The following RAD51B variants were observed in gnomAD, a reference collection of about 807,000 sequenced individuals.
RAD51B encodes the protein DNA repair protein RAD51 homolog 2.
A neutral mutation model predicts 42.2 loss-of-function variants in RAD51B; 38 were observed. That is an observed-to-expected ratio of 0.90 (90% CI 0.70 to 1.18). RAD51B has a LOEUF of 1.18. RAD51B is among the 50% of genes most tolerant of loss of function. RAD51B has a pLI of 0.00. For missense variants in RAD51B, 373 were observed against 400.7 expected, an observed-to-expected ratio of 0.93 and a Z score of 0.59; for synonymous variants, 154 against 145.2, an observed-to-expected ratio of 1.06 and a Z score of -0.43.
At chr14:67,893,505 CACACAAAAAA>C (rs1222574716) in intron 7 of RAD51B, among the ~76,000 whole-genome samples, 2 of 100,196 alleles carry the variant, frequency 2.0e-5, no homozygotes, top group Admixed American at 2.1e-4. Flanking sequence ...CACACACACA[CACACAAAAAA>C]AAACAATTAG....
chr14:68,639,470 T>TC (rs1374105576), intron 10 of RAD51B, among the ~76,000 whole-genome samples: 1 of 152,128 alleles, frequency 6.6e-6, no homozygotes, highest in African/African-American at 2.4e-5. Flanking sequence ...TGATGGGTAG[T>TC]CCCTGGTGGG....
chr14:68,031,119 A>G (rs2076034071), intron 7 of RAD51B, among the ~76,000 whole-genome samples: 1 of 152,216 alleles, frequency 6.6e-6, no homozygotes, highest in South Asian at 2.1e-4. Flanking sequence ...TTTACAAAAG[A>G]AAGAGGTTTA....
intron 8 of RAD51B, among the ~76,000 whole-genome samples, chr14:68,386,943 C>G (rs1280828922): frequency 6.6e-6 from 1 of 152,306 alleles, no homozygotes; most frequent in Non-Finnish European, 1.5e-5. Flanking sequence ...TTGATATCAC[C>G]TCTCCTTTGT....
chr14:67,848,479 A>C (rs1040726400), intron 4 of RAD51B, among the ~76,000 whole-genome samples: 1 of 152,092 alleles, frequency 6.6e-6, no homozygotes, highest in Non-Finnish European at 1.5e-5. Context: ...GTGGGATTAC[A>C]TGTGAGATGG....
At chr14:67,853,037 G>T (rs1272609527) in intron 4 of RAD51B, among the ~76,000 whole-genome samples, 1 of 152,176 alleles carries the variant, frequency 6.6e-6, no homozygotes, top group African/African-American at 2.4e-5. Context: ...AGGAAGAAAA[G>T]CTTAAAACCC....
intron 10 of RAD51B, among the ~76,000 whole-genome samples, chr14:68,581,114 A>G (rs1890190372): frequency 6.6e-6 from 1 of 152,144 alleles, no homozygotes; most frequent in African/African-American, 2.4e-5. Context: ...TTTATTAAGT[A>G]ATCTGCCTTT....
At position 68,168,290 on chromosome 14, in the gene RAD51B, A is replaced by G. The variant is rs189648839; in HGVS notation, c.757-123594A>G. Among the ~76,000 whole-genome samples the G allele has an allele frequency of 2.4e-3, 369 of 152,286 alleles. No homozygotes were observed. The Middle Eastern group carries it at 0.037, about 15-fold the overall frequency. The stretch of plus-strand genomic sequence containing the variant: ...GCAAAACTTTTGTACACTGCCTAGC[A>G]TGGTGCTCAGTTCTGCAAACGTCTT... On this transcript the variant is annotated intron_variant, in intron 7 of 10. Transcript: ENST00000471583.
At chr14:68,343,640 C>T (rs750854114) in intron 8 of RAD51B, among the ~76,000 whole-genome samples, 6 of 152,208 alleles carry the variant, frequency 3.9e-5, no homozygotes, top group African/African-American at 7.2e-5. Flanking sequence ...GAAAGATTAG[C>T]GTGACTAAAA....
At chr14:68,567,917 A>C (rs1168401281) in intron 10 of RAD51B, among the ~76,000 whole-genome samples, 1 of 152,238 alleles carries the variant, frequency 6.6e-6, no homozygotes, top group African/African-American at 2.4e-5. Flanking sequence ...TGCAGGGCTG[A>C]CATATTGCAT....
chr14:68,478,325 G>T (rs1188314174), downstream of RAD51B, among the ~76,000 whole-genome samples: 1 of 152,184 alleles, frequency 6.6e-6, no homozygotes, highest in Non-Finnish European at 1.5e-5. Context: ...CTATTGTAGT[G>T]TAAATTCAAG....
chr14:68,034,845 T>C (rs1026496069), intron 7 of RAD51B, among the ~76,000 whole-genome samples: 2 of 152,144 alleles, frequency 1.3e-5, no homozygotes, highest in African/African-American at 4.8e-5. Flanking sequence ...TCTCAATTTC[T>C]GGAGGGCTTA....
At chr14:68,498,928 A>G (rs1382314362) in intron 10 of RAD51B, among the ~76,000 whole-genome samples, 1 of 152,186 alleles carries the variant, frequency 6.6e-6, no homozygotes, top group Non-Finnish European at 1.5e-5. Context: ...TGTCTTTCCT[A>G]TGACACATGG....
intron 7 of RAD51B, among the ~76,000 whole-genome samples, chr14:68,222,867 T>C (rs1476054088): frequency 1.3e-5 from 2 of 152,294 alleles, no homozygotes; most frequent in Admixed American, 6.5e-5. Flanking sequence ...ATACCATCTA[T>C]ACTTCTTTTC....
At chr14:68,587,907 T>A (rs116128607) in intron 10 of RAD51B, among the ~76,000 whole-genome samples, 1 of 152,176 alleles carries the variant, frequency 6.6e-6, no homozygotes, top group African/African-American at 2.4e-5. Context: ...ATGGCAGACA[T>A]GGTGCATTTA....
Position 68,586,045 on chromosome 14 carries a change from A to G in RAD51B, c.1037-8440A>G, listed in dbSNP as rs183627922. On this transcript the variant is annotated intron_variant, in intron 10 of 10. Transcript: ENST00000487270. ...TTGCGTTTCACAGTGAATCGGCTGC[A>G]ATCAGTCTTCCTGCAGCCCTCCCTT... Among the ~76,000 whole-genome samples the G allele has an allele frequency of 3.3e-5, 5 of 152,134 alleles. No homozygotes were observed. In the South Asian group the frequency reaches 6.2e-4, roughly 19 times the overall value.
intron 7 of RAD51B, among the ~76,000 whole-genome samples, chr14:67,957,208 G>A (rs183412341): frequency 6.8e-4 from 104 of 152,326 alleles, no homozygotes; most frequent in Non-Finnish European, 1.4e-3. Flanking sequence ...GTAGAAAGGT[G>A]AGTAGGTGTT....
chr14:68,459,753 A>G (rs1027421587), intron 9 of RAD51B, among the ~76,000 whole-genome samples: 1 of 152,210 alleles, frequency 6.6e-6, no homozygotes, highest in African/African-American at 2.4e-5. Context: ...TGCTGAACGT[A>G]TTACATTGTC....
intron 7 of RAD51B, among the ~76,000 whole-genome samples, chr14:68,269,665 G>C (rs1374929229): frequency 1.3e-5 from 2 of 152,072 alleles, no homozygotes; most frequent in East Asian, 3.8e-4. Flanking sequence ...ACCCTGACTA[G>C]GGGGTCTCAC....
intron 7 of RAD51B, among the ~76,000 whole-genome samples, chr14:67,897,285 A>G (rs2043453490): frequency 6.6e-6 from 1 of 152,170 alleles, no homozygotes; most frequent in Non-Finnish European, 1.5e-5. Flanking sequence ...TAGCAAAGGA[A>G]ATAAGAAAAG....
Sources: gnomAD v4.1 joint callset for allele counts (sites outside exome capture counted in the v4.1 genomes callset) on GRCh38, gnomAD v4.1.1 for gene constraint, MANE v1.5 for transcripts, NCBI Gene and HGNC (gene_info 2026-07-23, HGNC 2026-07-21) for gene names.